CASC3: variants seen among roughly 807,000 people sequenced by gnomAD.
The protein encoded by CASC3 is protein CASC3.
A neutral mutation model predicts 80.5 loss-of-function variants in CASC3; 30 were observed. The observed-to-expected ratio is 0.37, with a 90% CI of 0.28 to 0.51. The LOEUF (loss-of-function observed/expected upper bound fraction) is 0.51, where lower values mean the gene tolerates loss of function less well. Ranked by LOEUF, CASC3 falls within the 20% of genes least tolerant of loss-of-function variation. The pLI, the probability that CASC3 is intolerant of heterozygous loss-of-function variation, is 0.94. For missense variants in CASC3, 824 were observed against 922.2 expected (o/e 0.89, Z 1.38); for synonymous variants, 312 against 333.6 (o/e 0.94, Z 0.70).
chr17:40,171,365 C>T lies in CASC3; in HGVS notation c.*960C>T, dbSNP rs900064302. On this transcript the variant is annotated 3_prime_UTR_variant, in exon 14 of 14. Transcript: ENST00000264645. ...AGGTAAGTGGAATTAGAGGGCCTTG[C>T]TTCTCTTCTTTCCATTCTTCTTGCT... 17 of 985,998 alleles carry T rather than the reference C, an allele frequency of 1.7e-5. No homozygotes were observed. The Middle Eastern group carries it at 3.1e-3, about 182-fold the overall frequency. The allele number at this position is 985,998 out of a possible 1,614,324, so 61.1% of individuals were successfully genotyped here.
At chr17:40,159,216 G>A (rs1484067040) in intron 3 of CASC3, among the ~76,000 whole-genome samples, 2 of 152,016 alleles carry the variant, frequency 1.3e-5, no homozygotes, top group South Asian at 2.1e-4. Flanking sequence ...CAGCCTGGGC[G>A]ACAGAGTGAG....
intron 3 of CASC3, among the ~76,000 whole-genome samples, chr17:40,142,574 C>G (rs1465915447): frequency 1.3e-5 from 2 of 152,012 alleles, no homozygotes; most frequent in Admixed American, 1.3e-4. Context: ...GAGTTTGAGA[C>G]CAACGTGGCC....
intron 3 of CASC3, among the ~76,000 whole-genome samples, chr17:40,147,818 A>G (rs1175211391): frequency 1.3e-5 from 2 of 152,130 alleles, no homozygotes; most frequent in Non-Finnish European, 2.9e-5. Flanking sequence ...ATACCTGGTA[A>G]ATAGTTTTTG....
At chr17:40,163,279 C>T (rs1439025269) in intron 6 of CASC3, among the ~76,000 whole-genome samples, 7 of 151,904 alleles carry the variant, frequency 4.6e-5, no homozygotes, top group South Asian at 2.1e-4. Flanking sequence ...GGATTACAGG[C>T]GCGTACTATC....
In CASC3 at chr17:40,140,546, A is replaced by C. The variant is rs1232122606; in HGVS notation, c.-3A>C. 1 of 1,606,456 alleles carries C rather than the reference A, an allele frequency of 6.2e-7. No homozygotes were observed. The highest frequency in any genetic ancestry group is 1.3e-5 in the African/African-American group (1 of 74,782). ...CTCGCCGGTGGTGGCCGTTCTCCGT[A>C]AGATGGCGGACCGGCGGCGGCAGCG... On this transcript the variant is annotated 5_prime_UTR_variant, in exon 1 of 14. Coordinates refer to ENST00000264645, the MANE Select transcript of CASC3 (RefSeq NM_007359.5).
Position 40,162,882 on chromosome 17 carries a change from C to T in CASC3, c.766C>T (p.Arg256Ter). 1 of 1,613,708 alleles carries T rather than the reference C, an allele frequency of 6.2e-7. No individual in the cohort carries two copies. The highest frequency in any genetic ancestry group is 8.5e-7 in the Non-Finnish European group (1 of 1,179,850). Residue 256 changes from arginine to a stop codon, truncating the protein, a stop_gained, in exon 6 of 14, where the codon CGA becomes TGA. Transcript: ENST00000264645. LOFTEE classifies it high-confidence loss of function. ...SAHNPDDIKP[R>*]RIRKPRYGSP... is the part of the protein sequence containing the mutation. ...TCATAATCCTGATGACATCAAACCT[C>T]GAAGAATCCGGAAACCCCGGTGAGG...
chr17:40,164,269 C>T (rs771247668), intron 7 of CASC3, 103 bp downstream of exon 7: 18 of 997,842 alleles, frequency 1.8e-5, no homozygotes, highest in Non-Finnish European at 2.6e-5. Context: ...CAAATGTCTA[C>T]TTCTTTTTTT....
In CASC3 at chr17:40,167,529, C is replaced by T; in HGVS notation, c.1568C>T (p.Ser523Leu). 6.2e-7 allele frequency: 1 copy of T among 1,614,134 alleles called. No individual in the cohort carries two copies. The change falls in exon 9 of 14, where the codon TCA becomes TTA. Residue 523 changes from serine to leucine, a missense_variant. Physicochemically the swap from Ser to Leu is moderately radical, Grantham distance 145 (BLOSUM62 -2). Transcript: ENST00000264645. ...GVQGGRAKRY[S>L]SQRQRPVPEP... is the part of the protein sequence containing the mutation. ...CAGGGTGGTCGAGCCAAACGCTATT[C>T]ATCCCAGCGGCAAAGACCTGTGCCA...
At chr17:40,141,403 C>A (rs1988713585) in intron 2 of CASC3, 167 bp from the exon 3 acceptor site, 3 of 832,944 alleles carry the variant, frequency 3.6e-6, no homozygotes, top group Non-Finnish European at 6.0e-6. Flanking sequence ...TAGTCTTCAG[C>A]AAGTTACCCT....
At position 40,152,267 on chromosome 17, in the gene CASC3, A is replaced by G. The variant is rs1186801308; in HGVS notation, c.298-9486A>G. ...ATCCTCCCACCTCAGCCTCCTCAAT[A>G]GCTGGGACTACAGGCGTGCACTACC... On this transcript the variant is annotated intron_variant, in intron 3 of 13. Coordinates refer to ENST00000264645, the MANE Select transcript of CASC3 (RefSeq NM_007359.5). Among the ~76,000 whole-genome samples, 14 of 152,132 alleles carry G rather than the reference A, an allele frequency of 9.2e-5. 1 individual carries two copies. The highest frequency in any genetic ancestry group is 2.1e-4 in the Non-Finnish European group (14 of 68,018).
intron 3 of CASC3, among the ~76,000 whole-genome samples, chr17:40,158,623 G>C (rs1021720715): frequency 2.0e-5 from 3 of 152,096 alleles, no homozygotes; most frequent in African/African-American, 7.2e-5. Flanking sequence ...ATGGCCTAAT[G>C]ATCCTTTGTG....
intron 7 of CASC3, 60 bp downstream of exon 7, chr17:40,164,226 A>G (rs1989387011): frequency 7.7e-7 from 1 of 1,305,396 alleles, no homozygotes; most frequent in Non-Finnish European, 1.0e-6. Flanking sequence ...GTTTAGGGGC[A>G]TGGGACTTCT....
In CASC3 at chr17:40,141,477, A is replaced by G. The variant is rs1988715861; in HGVS notation, c.260-93A>G. On this transcript the variant is annotated intron_variant, in intron 2 of 13. Transcript: ENST00000264645. Reference sequence around the variant, plus strand: ...TTTATCCACGTTGTAGGTTGATGTCAGAATTAAATGAGACTCTTAGTCTGA... The same window carrying G: ...TTTATCCACGTTGTAGGTTGATGTCGGAATTAAATGAGACTCTTAGTCTGA... The G allele has an allele frequency of 2.7e-6, 3 of 1,092,926 alleles. No homozygotes were observed. The Admixed American group carries it at 5.9e-5, about 21-fold the overall frequency. 67.7% of individuals were successfully genotyped at this position (1,092,926 alleles called of 1,614,324 possible).
intron 7 of CASC3, among the ~76,000 whole-genome samples, chr17:40,165,774 T>G (rs1337147891): frequency 6.6e-6 from 1 of 151,086 alleles, no homozygotes; most frequent in East Asian, 1.9e-4. Flanking sequence ...TTTTTTTTTT[T>G]TTTTAGATGG....
Position 40,172,117 on chromosome 17 carries a change from C to G in CASC3, c.*1712C>G. The stretch of plus-strand genomic sequence containing the variant: ...TTTTTGTTACTGTTTTAAAGGGTGC[C>G]CATTTGTGATCAGCATTGTGACTTG... On this transcript the variant is annotated 3_prime_UTR_variant, in exon 14 of 14. Transcript: ENST00000264645. 1.6e-6 allele frequency: 2 copies of G among 1,289,824 alleles called. No individual in the cohort carries two copies. Among genetic ancestry groups the G allele is most frequent in the Non-Finnish European group, 2.0e-6 (2 of 988,832 alleles). The allele number at this position is 1,289,824 out of a possible 1,614,324, so 79.9% of individuals were successfully genotyped here. A position where few individuals can be genotyped will look rare whatever the true frequency, so the allele number is the denominator to read the frequency against.
In CASC3 at chr17:40,162,896, A is replaced by G. The variant is rs1567682680; in HGVS notation, c.780A>G (p.Lys260=). ...PDDIKPRRIR[K]PRYGSPPQRD... Reference sequence around the variant, plus strand: ...ACATCAAACCTCGAAGAATCCGGAAACCCCGGTGAGGACATTTTAGAACAT... The same window carrying G: ...ACATCAAACCTCGAAGAATCCGGAAGCCCCGGTGAGGACATTTTAGAACAT... The change falls in exon 6 of 14, where the codon AAA becomes AAG. Residue 260 remains lysine, a synonymous_variant. Coordinates refer to ENST00000264645, the MANE Select transcript of CASC3 (RefSeq NM_007359.5). 1.2e-6 allele frequency: 2 copies of G among 1,613,508 alleles called. No homozygotes were observed. Among genetic ancestry groups the G allele is most frequent in the Non-Finnish European group, 1.7e-6 (2 of 1,179,752 alleles).
intron 3 of CASC3, among the ~76,000 whole-genome samples, chr17:40,146,713 C>T (rs544026020): frequency 6.6e-6 from 1 of 151,404 alleles, no homozygotes; most frequent in African/African-American, 2.4e-5. Flanking sequence ...GCTGGGATTA[C>T]AGGCATGAGC....
intron 3 of CASC3, among the ~76,000 whole-genome samples, chr17:40,153,781 T>A (rs1477536425): frequency 6.8e-6 from 1 of 146,514 alleles, no homozygotes; most frequent in Non-Finnish European, 1.5e-5. Flanking sequence ...TGTCTAAAAC[T>A]TTTTTTTTTT....
At chr17:40,157,228 C>T (rs1464510559) in intron 3 of CASC3, among the ~76,000 whole-genome samples, 2 of 151,916 alleles carry the variant, frequency 1.3e-5, no homozygotes, top group African/African-American at 4.8e-5. Flanking sequence ...GCGTGTAGTC[C>T]CAGCTACTCG....
Sources: gnomAD v4.1 joint callset for allele counts (sites outside exome capture counted in the v4.1 genomes callset) on GRCh38, gnomAD v4.1.1 for gene constraint, MANE v1.5 for transcripts, NCBI Gene and HGNC (gene_info 2026-07-23, HGNC 2026-07-21) for gene names.